The following GRM8 variants were observed in gnomAD, a reference collection of about 807,000 sequenced individuals.
GRM8 encodes glutamate metabotropic receptor 8.
GRM8 carries 47 observed loss-of-function variants against 87.2 expected under a neutral mutation model. The observed-to-expected ratio is 0.54, with a 90% CI of 0.43 to 0.69. The LOEUF is 0.69. Ranked by LOEUF, GRM8 falls within the 30% of genes least tolerant of loss-of-function variation. GRM8 has a pLI of 0.00. For synonymous variants in GRM8, 396 were observed against 404.5 expected (o/e 0.98, Z 0.25); for missense variants, 1,019 against 1,139.2 (o/e 0.89, Z 1.52).
rs1808680345 is a variant in GRM8 at position 126,956,350 on chromosome 7, G to C, written c.728-51667C>G. Among the ~76,000 whole-genome samples the C allele has an allele frequency of 2.0e-5, 3 of 152,134 alleles. No homozygotes were observed. The South Asian group carries it at 6.2e-4, about 32-fold the overall frequency. The stretch of plus-strand genomic sequence containing the variant: ...TATTATATTATTTCTCTGAGCCTCA[G>C]TTTCATTGGAAAAAGACAAATAACC... On this transcript the variant is annotated intron_variant, in intron 3 of 10. Coordinates refer to ENST00000339582, the MANE Select transcript of GRM8 (RefSeq NM_000845.3).
At chr7:126,881,543 G>A (rs3993595) in intron 6 of GRM8, among the ~76,000 whole-genome samples, 5 of 152,164 alleles carry the variant, frequency 3.3e-5, no homozygotes, top group South Asian at 2.1e-4. Context: ...GGTCAGCTTC[G>A]CAGAGCACAG....
chr7:126,715,707 G>T (rs1458199695), intron 7 of GRM8, among the ~76,000 whole-genome samples: 1 of 152,000 alleles, frequency 6.6e-6, no homozygotes, highest in Non-Finnish European at 1.5e-5. Flanking sequence ...GTTGTTTAAG[G>T]ATCTACTGTA....
chr7:126,553,401 T>C (rs190056059), intron 8 of GRM8, among the ~76,000 whole-genome samples: 16 of 152,242 alleles, frequency 1.1e-4, no homozygotes, highest in African/African-American at 3.6e-4. Flanking sequence ...ATAAGCACAA[T>C]GTTGAAGCTC....
intron 3 of GRM8, among the ~76,000 whole-genome samples, chr7:127,102,187 C>A (rs1825348835): frequency 1.3e-5 from 2 of 152,102 alleles, no homozygotes; most frequent in Non-Finnish European, 1.5e-5. Context: ...GATGTGGGAG[C>A]AAAGGAATGA....
chr7:127,197,420 A>AT lies in GRM8; in HGVS notation c.510+45274dup, dbSNP rs553701362. Among the ~76,000 whole-genome samples, 386 of 152,334 alleles carry AT rather than the reference A, an allele frequency of 2.5e-3. 2 individuals carry two copies. The highest frequency in any genetic ancestry group is 8.8e-3 in the African/African-American group (367 of 41,574). On this transcript the variant is annotated intron_variant, in intron 2 of 10. Coordinates refer to ENST00000339582, the MANE Select transcript of GRM8 (RefSeq NM_000845.3). ...ATCTCAGAGGAGTTGCTAAGTTACT[A>AT]TCTCTATGCACATCCTAGCAAGAGG...
At chr7:127,139,885 A>G (rs1828164635) in intron 2 of GRM8, among the ~76,000 whole-genome samples, 1 of 152,112 alleles carries the variant, frequency 6.6e-6, no homozygotes, top group African/African-American at 2.4e-5. Flanking sequence ...ATCCCATGGA[A>G]GCTAGGTCAC....
chr7:126,934,629 G>A (rs1806103112), intron 3 of GRM8, among the ~76,000 whole-genome samples: 1 of 152,134 alleles, frequency 6.6e-6, no homozygotes, highest in Non-Finnish European at 1.5e-5. Context: ...AATGAGACAT[G>A]GGCAGAAACT....
intron 6 of GRM8, among the ~76,000 whole-genome samples, chr7:126,895,795 T>G (rs1801488627): frequency 6.6e-6 from 1 of 152,074 alleles, no homozygotes; most frequent in Admixed American, 6.6e-5. Flanking sequence ...AAAAACTACA[T>G]GTATAACTGA....
intron 9 of GRM8, among the ~76,000 whole-genome samples, chr7:126,454,874 G>A (rs1233000477): frequency 6.6e-6 from 1 of 151,632 alleles, no homozygotes; most frequent in Non-Finnish European, 1.5e-5. Context: ...CTAGTATCCA[G>A]CAGTATGAGG....
chr7:126,821,875 C>T (rs1003524021), intron 6 of GRM8, among the ~76,000 whole-genome samples: 16 of 152,244 alleles, frequency 1.1e-4, no homozygotes, highest in Admixed American at 1.0e-3. Flanking sequence ...AGTCCAGAAT[C>T]CCACATTGCA....
chr7:126,839,038 A>AAT (rs1563236917), intron 6 of GRM8, among the ~76,000 whole-genome samples: 1 of 152,056 alleles, frequency 6.6e-6, no homozygotes, highest in Non-Finnish European at 1.5e-5. Flanking sequence ...GAAATTTCCC[A>AAT]ATATATTATT....
intron 6 of GRM8, among the ~76,000 whole-genome samples, chr7:126,883,965 A>G (rs1232047555): frequency 6.6e-6 from 1 of 150,420 alleles, no homozygotes; most frequent in Non-Finnish European, 1.5e-5. Context: ...AAATAAAATT[A>G]GACAGGAGAC....
chr7:127,103,677 A>G (rs1825544755), intron 3 of GRM8, among the ~76,000 whole-genome samples: 1 of 152,188 alleles, frequency 6.6e-6, no homozygotes, highest in Admixed American at 6.5e-5. Context: ...AAACCTTCCA[A>G]TTTTGTCTCC....
Position 126,904,585 on chromosome 7 carries a change from G to C in GRM8, c.826C>G (p.Arg276Gly). 1 of 1,613,584 alleles carries C rather than the reference G, an allele frequency of 6.2e-7. No individual in the cohort carries two copies. Among genetic ancestry groups the C allele is most frequent in the Non-Finnish European group, 8.5e-7 (1 of 1,179,608 alleles). ...TCATTGGCAAACATAATCACTGCTC[G>C]AGCATTAGGTGTTTCTAGCAGGCGT... Reference protein sequence around the residue: ...IKRLLETPNARAVIMFANEDD... With the variant: ...IKRLLETPNAGAVIMFANEDD... The change falls in exon 4 of 11, where the codon CGA becomes GGA. Residue 276 changes from arginine to glycine, a missense_variant. By Grantham distance (125) the Arg-to-Gly change is moderately radical. Coordinates refer to ENST00000339582, the MANE Select transcript of GRM8 (RefSeq NM_000845.3).
chr7:127,203,938 T>C (rs1260840278), intron 2 of GRM8, among the ~76,000 whole-genome samples: 1 of 152,184 alleles, frequency 6.6e-6, no homozygotes, highest in African/African-American at 2.4e-5. Flanking sequence ...AATGTTATTT[T>C]CATAAAGTTA....
intron 9 of GRM8, among the ~76,000 whole-genome samples, chr7:126,461,183 T>C (rs1383458864): frequency 2.0e-5 from 3 of 151,458 alleles, no homozygotes; most frequent in African/African-American, 7.3e-5. Context: ...CTGTGTTCTG[T>C]TGAGAATAAG....
chr7:126,470,165 G>A (rs186298870), intron 9 of GRM8, among the ~76,000 whole-genome samples: 23 of 152,004 alleles, frequency 1.5e-4, no homozygotes, highest in Non-Finnish European at 2.5e-4. Flanking sequence ...TGATTTATCT[G>A]GCAGAAGAAT....
intron 2 of GRM8, among the ~76,000 whole-genome samples, chr7:127,191,705 C>T (rs1316636131): frequency 6.6e-6 from 1 of 152,110 alleles, no homozygotes; most frequent in Non-Finnish European, 1.5e-5. Context: ...CCTATTTTGC[C>T]TGTTAATATA....
rs140610754 is a variant in GRM8 at position 127,089,002 on chromosome 7, G to A, written c.727+17494C>T. Among the ~76,000 whole-genome samples the A allele has an allele frequency of 2.6e-4, 39 of 152,302 alleles. No individual in the cohort carries two copies. In the East Asian group the frequency reaches 6.4e-3, roughly 25 times the overall value. On this transcript the variant is annotated intron_variant, in intron 3 of 10. Transcript: ENST00000339582. ...CCTTTCCACTAAAGGTGCTGTATTG[G>A]GTTGAACTATATCACCCCAGAAGAT...
Sources: allele counts gnomAD v4.1 joint callset (sites outside exome capture counted in the v4.1 genomes callset), GRCh38; gene constraint gnomAD v4.1.1; transcripts MANE v1.5; gene names NCBI Gene and HGNC (gene_info 2026-07-23, HGNC 2026-07-21).